Variants in ZSCAN5A observed in about 807,000 individuals in gnomAD.
The protein encoded by ZSCAN5A is zinc finger and SCAN domain-containing protein 5A.
In ZSCAN5A, 12 loss-of-function variants were observed where a neutral mutation model predicts 23.7. That is an observed-to-expected ratio of 0.51 (90% CI 0.32 to 0.82). The LOEUF (loss-of-function observed/expected upper bound fraction) is 0.82. ZSCAN5A is among the 40% of genes least tolerant of loss of function. The pLI is 0.03. For missense variants in ZSCAN5A, 597 were observed against 617.9 expected, an observed-to-expected ratio of 0.97 and a Z score of 0.36; for synonymous variants, 257 against 239.9, an observed-to-expected ratio of 1.07 and a Z score of -0.66.
chr19:56,318,180 C>T (rs1030618836), upstream of ZSCAN5A, among the ~76,000 whole-genome samples: 2 of 151,428 alleles, frequency 1.3e-5, no homozygotes, highest in Admixed American at 1.3e-4. Flanking sequence ...CGCAAGCATG[C>T]GTATATGTGT....
intron 2 of ZSCAN5A, among the ~76,000 whole-genome samples, chr19:56,265,979 A>G (rs1027899973): frequency 2.6e-5 from 4 of 152,178 alleles, no homozygotes; most frequent in Non-Finnish European, 5.9e-5. Flanking sequence ...AATTCTTCCA[A>G]AGGAAATCAG....
At chr19:56,249,148 T>C (rs573676555) in intron 2 of ZSCAN5A, among the ~76,000 whole-genome samples, 6 of 152,340 alleles carry the variant, frequency 3.9e-5, no homozygotes, top group South Asian at 2.1e-4. Flanking sequence ...TGGTGACTAG[T>C]TGGTCTTAGT....
chr19:56,361,975 G>A (rs1425236220), intron 2 of ZSCAN5A, among the ~76,000 whole-genome samples: 44 of 151,592 alleles, frequency 2.9e-4, no homozygotes, highest in Admixed American at 2.9e-3. Context: ...GGCTAACACG[G>A]TGAAACCCCA....
intron 2 of ZSCAN5A, among the ~76,000 whole-genome samples, chr19:56,287,736 G>A (rs1377190452): frequency 1.3e-5 from 2 of 152,194 alleles, no homozygotes; most frequent in East Asian, 3.8e-4. Context: ...AAACAGGTGG[G>A]GAAACTGAGG....
At chr19:56,366,688 G>A (rs1253838319) in intron 1 of ZSCAN5A, among the ~76,000 whole-genome samples, 1 of 152,148 alleles carries the variant, frequency 6.6e-6, no homozygotes. Context: ...GCCTGTAAAA[G>A]CCCTTCCCTC....
chr19:56,293,047 C>T lies in ZSCAN5A; in HGVS notation c.-128+20236G>A, dbSNP rs578126282. Among the ~76,000 whole-genome samples, 22 of 152,308 alleles carry T rather than the reference C, an allele frequency of 1.4e-4. 1 individual carries two copies. In the South Asian group the frequency reaches 4.6e-3, roughly 32 times the overall value. On this transcript the variant is annotated intron_variant, in intron 2 of 5. Coordinates refer to ENST00000683990, the MANE Select transcript of ZSCAN5A (RefSeq NM_001322064.3). ...TCCACATTCAAAGCCATCTAAACCC[C>T]AGTTCTGAGACACCATCCTGTCCAT...
intron 2 of ZSCAN5A, among the ~76,000 whole-genome samples, chr19:56,330,135 G>C (rs938611002): frequency 6.6e-6 from 1 of 152,136 alleles, no homozygotes; most frequent in Non-Finnish European, 1.5e-5. Context: ...GTTTCTACCT[G>C]CATCGATGTC....
chr19:56,290,337 T>C (rs764854615), intron 2 of ZSCAN5A, among the ~76,000 whole-genome samples: 3 of 152,234 alleles, frequency 2.0e-5, no homozygotes, highest in Non-Finnish European at 2.9e-5. Context: ...GTAGTTGTCT[T>C]TGTGCTCTAA....
At chr19:56,338,778 G>T (rs909261073) in intron 2 of ZSCAN5A, 3 of 152,230 alleles carry the variant, frequency 2.0e-5, no homozygotes, top group African/African-American at 7.2e-5. Context: ...ACAGGACCTT[G>T]GGTCCTGGCT....
chr19:56,278,059 C>T (rs1320575608), intron 2 of ZSCAN5A, among the ~76,000 whole-genome samples: 3 of 151,378 alleles, frequency 2.0e-5, no homozygotes, highest in Admixed American at 1.3e-4. Flanking sequence ...TAATAGAAAA[C>T]AGCTGAATTC....
At chr19:56,241,731 A>G (rs1600064490) in intron 2 of ZSCAN5A, among the ~76,000 whole-genome samples, 1 of 151,746 alleles carries the variant, frequency 6.6e-6, no homozygotes, top group Non-Finnish European at 1.5e-5. Context: ...TATCTCCCCA[A>G]CCCCCATCCC....
chr19:56,243,538 G>A (rs979595947), intron 2 of ZSCAN5A, among the ~76,000 whole-genome samples: 12 of 152,258 alleles, frequency 7.9e-5, no homozygotes, highest in Admixed American at 2.6e-4. Flanking sequence ...ATCTTTGTGC[G>A]TAATTATGAT....
intron 2 of ZSCAN5A, among the ~76,000 whole-genome samples, chr19:56,356,623 T>G (rs1309150255): frequency 1.3e-5 from 2 of 148,624 alleles, no homozygotes; most frequent in Non-Finnish European, 1.5e-5. Context: ...CTTCACATAT[T>G]GTAAAATTCA....
chr19:56,277,672 T>G (rs888293281), intron 2 of ZSCAN5A, among the ~76,000 whole-genome samples: 2 of 152,110 alleles, frequency 1.3e-5, no homozygotes, highest in Admixed American at 1.3e-4. Flanking sequence ...AATTGCATGG[T>G]ATGTGAATTA....
At chr19:56,248,787 G>C (rs2036136467) in intron 2 of ZSCAN5A, among the ~76,000 whole-genome samples, 1 of 152,076 alleles carries the variant, frequency 6.6e-6, no homozygotes, top group Non-Finnish European at 1.5e-5. Context: ...GGACAGCACA[G>C]AGTTCCCCTA....
rs1324294064 is a variant in ZSCAN5A, at chr19:56,221,513, A to G, written c.*62T>C. The G allele has an allele frequency of 1.1e-5, 16 of 1,521,168 alleles. No individual in the cohort carries two copies. The highest frequency in any genetic ancestry group is 1.4e-5 in the Non-Finnish European group (16 of 1,135,474). 94.2% of individuals were successfully genotyped at this position (1,521,168 alleles called of 1,614,324 possible). On this transcript the variant is annotated 3_prime_UTR_variant, in exon 6 of 6. Coordinates refer to ENST00000683990, the MANE Select transcript of ZSCAN5A (RefSeq NM_001322064.3). ...TGCATGTGTCAAATGTCATCTGATA[A>G]CATTGATGAAAAATATCATTCACTT... is the stretch of plus-strand genomic sequence containing the variant.
At chr19:56,337,915 G>A (rs984636905) in intron 2 of ZSCAN5A, among the ~76,000 whole-genome samples, 1 of 152,192 alleles carries the variant, frequency 6.6e-6, no homozygotes, top group Non-Finnish European at 1.5e-5. Flanking sequence ...ATTCTGCAAA[G>A]TAATATGCTA....
chr19:56,261,416 C>G (rs2037122434), intron 2 of ZSCAN5A, among the ~76,000 whole-genome samples: 1 of 152,116 alleles, frequency 6.6e-6, no homozygotes, highest in African/African-American at 2.4e-5. Context: ...GACATCTGAG[C>G]TGGGACTTTC....
rs1037255333 is a variant in ZSCAN5A at position 56,320,736 on chromosome 19, CAA to C, written c.-357-4470_-357-4469del. On this transcript the variant is annotated intron_variant, in intron 2 of 6. Coordinates refer to the ZSCAN5A transcript ENST00000587340. Reference sequence around the variant, plus strand: ...GCTTCAATATATGGAAATTCTGACACAAGACGTACTCCAACAATAGGCCACCT... The same window carrying C: ...GCTTCAATATATGGAAATTCTGACACGACGTACTCCAACAATAGGCCACCT... 12 of 1,224,110 alleles carry C rather than the reference CAA, an allele frequency of 9.8e-6. No homozygotes were observed. In the African/African-American group the frequency reaches 1.5e-4, roughly 15 times the overall value. The allele number at this position is 1,224,110 out of a possible 1,614,324, so 75.8% of individuals were successfully genotyped here.
Sources: gnomAD v4.1 joint callset for allele counts (sites outside exome capture counted in the v4.1 genomes callset) on GRCh38, gnomAD v4.1.1 for gene constraint, MANE v1.5 for transcripts, NCBI Gene and HGNC (gene_info 2026-07-23, HGNC 2026-07-21) for gene names.